The following PCED1B variants were observed in gnomAD, a reference collection of about 807,000 sequenced individuals.
The protein encoded by PCED1B is PC-esterase domain-containing protein 1B.
For synonymous variants in PCED1B, 251 were observed against 246.1 expected (o/e 1.02, Z -0.19); for missense variants, 573 against 573.9 (o/e 1.00, Z 0.02).
chr12:47,190,411 C>T (rs754219107), intron 2 of PCED1B, among the ~76,000 whole-genome samples: 25 of 152,232 alleles, frequency 1.6e-4, no homozygotes, highest in Non-Finnish European at 3.2e-4. Context: ...CATGCATTCA[C>T]TTTGGTCGCC....
chr12:47,151,185 T>C (rs2137452422), intron 2 of PCED1B, among the ~76,000 whole-genome samples: 1 of 151,974 alleles, frequency 6.6e-6, no homozygotes, highest in East Asian at 1.9e-4. Flanking sequence ...AGTCATAGGC[T>C]GCATAACAAC....
chr12:47,086,475 G>T (rs1233533926), intron 1 of PCED1B, among the ~76,000 whole-genome samples: 2 of 151,782 alleles, frequency 1.3e-5, no homozygotes, highest in African/African-American at 4.8e-5. Flanking sequence ...ATCCATTGAA[G>T]TGAGGAACCT....
At chr12:47,126,823 C>T (rs1486752279) in intron 2 of PCED1B, among the ~76,000 whole-genome samples, 1 of 152,108 alleles carries the variant, frequency 6.6e-6, no homozygotes, top group African/African-American at 2.4e-5. Flanking sequence ...TCTTTTTACA[C>T]TCTGTTGAGT....
At chr12:47,153,948 A>T (rs919526962) in intron 2 of PCED1B, among the ~76,000 whole-genome samples, 1 of 152,130 alleles carries the variant, frequency 6.6e-6, no homozygotes, top group African/African-American at 2.4e-5. Context: ...TTCCACCGAT[A>T]TTCTTTCTCT....
chr12:47,231,222 A>AT (rs1943796637), intron 3 of PCED1B, among the ~76,000 whole-genome samples: 1 of 152,168 alleles, frequency 6.6e-6, no homozygotes, highest in African/African-American at 2.4e-5. Flanking sequence ...ATGTTTTATT[A>AT]TTTTTTTACA....
chr12:47,140,885 A>G (rs1187603337), intron 2 of PCED1B, among the ~76,000 whole-genome samples: 1 of 152,230 alleles, frequency 6.6e-6, no homozygotes, highest in East Asian at 1.9e-4. Context: ...GCAAAACAAA[A>G]CAAAACCTTC....
chr12:47,236,369 C>A lies in PCED1B; in HGVS notation c.*7C>A. Reference sequence around the variant, plus strand: ...TGAGCCAAGGCCTCAATAGACGGACCTAGGCCTTATTTCCTCTTTATGAAC... The same window carrying A: ...TGAGCCAAGGCCTCAATAGACGGACATAGGCCTTATTTCCTCTTTATGAAC... On this transcript the variant is annotated 3_prime_UTR_variant, in exon 4 of 4. Coordinates refer to ENST00000546455, the MANE Select transcript of PCED1B (RefSeq NM_138371.3). 6.4e-7 allele frequency: 1 copy of A among 1,555,082 alleles called. No individual in the cohort carries two copies.
At chr12:47,092,460 G>T (rs1349199534) in intron 1 of PCED1B, among the ~76,000 whole-genome samples, 1 of 151,736 alleles carries the variant, frequency 6.6e-6, no homozygotes, top group Non-Finnish European at 1.5e-5. Context: ...TGATCTTATT[G>T]TCTGGAAATG....
In PCED1B at chr12:47,206,957, G is replaced by T. The variant is rs115947349; in HGVS notation, c.-525-9265G>T. Among the ~76,000 whole-genome samples, 1,197 of 152,268 alleles carry T rather than the reference G, an allele frequency of 7.9e-3. 11 individuals carry two copies. The highest frequency in any genetic ancestry group is 0.027 in the African/African-American group (1,127 of 41,538). On this transcript the variant is annotated intron_variant, in intron 2 of 3. Coordinates refer to ENST00000546455, the MANE Select transcript of PCED1B (RefSeq NM_138371.3). Reference sequence around the variant, plus strand: ...TCTTGCCTTAGGTAAATGGCTATTCGAATGGCCAGGGACTTTGACATACTC... The same window carrying T: ...TCTTGCCTTAGGTAAATGGCTATTCTAATGGCCAGGGACTTTGACATACTC...
intron 2 of PCED1B, among the ~76,000 whole-genome samples, chr12:47,192,690 A>G (rs1431045442): frequency 1.3e-5 from 2 of 152,068 alleles, no homozygotes; most frequent in Non-Finnish European, 1.5e-5. Flanking sequence ...GAGCTGACTG[A>G]CTCCCAGGGC....
At chr12:47,207,474 G>A (rs1248788907) in intron 2 of PCED1B, among the ~76,000 whole-genome samples, 2 of 152,204 alleles carry the variant, frequency 1.3e-5, no homozygotes, top group Non-Finnish European at 2.9e-5. Context: ...GTCCCACTGA[G>A]GAAAGGAAGT....
intron 2 of PCED1B, among the ~76,000 whole-genome samples, chr12:47,132,414 C>A (rs779399541): frequency 1.7e-4 from 26 of 152,178 alleles, no homozygotes; most frequent in Middle Eastern, 3.4e-3. Context: ...TCCTCTGCAA[C>A]AAATACCCCT....
At chr12:47,197,734 T>G (rs533300104) in intron 2 of PCED1B, among the ~76,000 whole-genome samples, 2 of 151,972 alleles carry the variant, frequency 1.3e-5, no homozygotes, top group Non-Finnish European at 2.9e-5. Flanking sequence ...CCATGGACAT[T>G]AAAAGAATAT....
intron 2 of PCED1B, among the ~76,000 whole-genome samples, chr12:47,183,629 A>G (rs1942163648): frequency 6.6e-6 from 1 of 152,074 alleles, no homozygotes; most frequent in African/African-American, 2.4e-5. Context: ...TTGAACGGGT[A>G]TTTTACTGAA....
At chr12:47,217,484 GAAAGAA>G (rs779958977) in intron 3 of PCED1B, among the ~76,000 whole-genome samples, 1 of 96,452 alleles carries the variant, frequency 1.0e-5, no homozygotes, top group African/African-American at 6.7e-5. Context: ...AAGAAAGAAA[GAAAGAA>G]AGAAAGAAAG....
At chr12:47,230,629 A>T (rs1246129371) in intron 3 of PCED1B, among the ~76,000 whole-genome samples, 1 of 151,972 alleles carries the variant, frequency 6.6e-6, no homozygotes, top group Non-Finnish European at 1.5e-5. Context: ...TTTCGTAGAG[A>T]CAGGATTTCA....
chr12:47,146,189 G>A (rs1317275527), intron 2 of PCED1B, among the ~76,000 whole-genome samples: 2 of 152,146 alleles, frequency 1.3e-5, no homozygotes, highest in Non-Finnish European at 2.9e-5. Flanking sequence ...AAATAGAAGC[G>A]GAGACTGAAG....
intron 2 of PCED1B, among the ~76,000 whole-genome samples, chr12:47,198,526 C>T (rs902736792): frequency 5.9e-5 from 9 of 152,034 alleles, no homozygotes; most frequent in African/African-American, 2.2e-4. Flanking sequence ...CTCACTACTC[C>T]TATTCAGCAT....
In PCED1B at chr12:47,216,582, A is replaced by C. The variant is rs888899247; in HGVS notation, c.-165A>C. ...TTTCCCCTATAGCCCAAGCTCTGAG[A>C]TCTCCCGTCTGGTCACAATGATCTA... On this transcript the variant is annotated 5_prime_UTR_variant, in exon 3 of 4. Coordinates refer to ENST00000546455, the MANE Select transcript of PCED1B (RefSeq NM_138371.3). 2.0e-5 allele frequency: 3 copies of C among 152,248 alleles called. No individual in the cohort carries two copies. The highest frequency in any genetic ancestry group is 4.4e-5 in the Non-Finnish European group (3 of 68,050). 9.4% of individuals were successfully genotyped at this position (152,248 alleles called of 1,614,324 possible).
Sources: allele counts gnomAD v4.1 joint callset (sites outside exome capture counted in the v4.1 genomes callset), GRCh38; gene constraint gnomAD v4.1.1; transcripts MANE v1.5; gene names NCBI Gene and HGNC (gene_info 2026-07-23, HGNC 2026-07-21).